The following CRYBG1 variants were observed in gnomAD, a reference collection of about 807,000 sequenced individuals.
The protein encoded by CRYBG1 is beta/gamma crystallin domain-containing protein 1.
In CRYBG1, 139 loss-of-function variants were observed where a neutral mutation model predicts 189.2. That is an observed-to-expected ratio of 0.73 (90% CI 0.64 to 0.85). The LOEUF is 0.85. CRYBG1 is among the 40% of genes least tolerant of loss of function. CRYBG1 has a pLI of 0.00. For missense variants in CRYBG1, 2,611 were observed against 2,675.8 expected (o/e 0.98, Z 0.53); for synonymous variants, 1,023 against 1,017.1 (o/e 1.01, Z -0.11).
chr6:106,532,894 A>G (rs1166186911), intron 8 of CRYBG1, among the ~76,000 whole-genome samples: 1 of 152,202 alleles, frequency 6.6e-6, no homozygotes, highest in Admixed American at 6.5e-5. Context: ...ATATAAACCC[A>G]AAAGAGTGTC....
chr6:106,384,476 T>C (rs1268662523), intron 1 of CRYBG1, among the ~76,000 whole-genome samples: 1 of 152,042 alleles, frequency 6.6e-6, no homozygotes, highest in African/African-American at 2.4e-5. Context: ...CCTAAGCATG[T>C]TTTCTTGCAC....
intron 2 of CRYBG1, among the ~76,000 whole-genome samples, chr6:106,488,126 T>C (rs1172157985): frequency 6.6e-6 from 1 of 152,192 alleles, no homozygotes; most frequent in Non-Finnish European, 1.5e-5. Context: ...CTGCAGTCTA[T>C]GACTGTGGTG....
At chr6:106,425,497 T>C (rs1375143038) in intron 1 of CRYBG1, among the ~76,000 whole-genome samples, 1 of 152,136 alleles carries the variant, frequency 6.6e-6, no homozygotes, top group Non-Finnish European at 1.5e-5. Context: ...CAGCCTCAGC[T>C]CCCTCACCCC....
intron 1 of CRYBG1, among the ~76,000 whole-genome samples, chr6:106,387,996 A>AG (rs1195447046): frequency 6.6e-6 from 1 of 152,070 alleles, no homozygotes; most frequent in Non-Finnish European, 1.5e-5. Flanking sequence ...TGAGTGTGCC[A>AG]GGTTAGGGCA....
intron 8 of CRYBG1, among the ~76,000 whole-genome samples, chr6:106,532,125 G>A (rs1773887268): frequency 6.6e-6 from 1 of 152,228 alleles, no homozygotes; most frequent in Middle Eastern, 3.4e-3. Context: ...AGGGAAGTTA[G>A]CAAATCCATC....
intron 2 of CRYBG1, among the ~76,000 whole-genome samples, chr6:106,470,803 C>T (rs79714620): frequency 0.06 from 9,098 of 152,146 alleles, 485 homozygotes; most frequent in East Asian, 0.21. Context: ...TTAGAGTTGG[C>T]ACTGTACAGT....
chr6:106,470,186 T>C (rs1220921841), intron 2 of CRYBG1, among the ~76,000 whole-genome samples: 3 of 152,060 alleles, frequency 2.0e-5, no homozygotes, highest in Admixed American at 6.5e-5. Context: ...GAGCCAGGTG[T>C]GGTAGCTCAC....
In CRYBG1 at chr6:106,519,310, A is replaced by C. The variant is rs1159148; in HGVS notation, c.2102A>C (p.Gln701Pro). The stretch of plus-strand genomic sequence containing the variant: ...CCAAGACACACTGACATTCGAGGCC[A>C]AAGGAATACTCCTGCCTCTAGTAAA... ...SSPRHTDIRG[Q>P]RNTPASSKTF... The change falls in exon 4 of 22, where the codon CAA (glutamine) becomes CCA (proline). Residue 701 changes from glutamine to proline, a missense_variant. Physicochemically the swap from Gln to Pro is moderately conservative, Grantham distance 76. Coordinates refer to ENST00000633556, the MANE Select transcript of CRYBG1 (RefSeq NM_001371242.2). 416,699 of 1,613,924 alleles carry C rather than the reference A, an allele frequency of 0.26. 55,860 individuals carry two copies. Among genetic ancestry groups the C allele is most frequent in the South Asian group, 0.33 (30,508 of 91,078 alleles).
intron 13 of CRYBG1, among the ~76,000 whole-genome samples, chr6:106,551,573 G>A (rs1367089982): frequency 3.3e-5 from 5 of 152,162 alleles, no homozygotes; most frequent in African/African-American, 1.2e-4. Context: ...TCTATCTTTA[G>A]TTCTTTGAGA....
intron 7 of CRYBG1, among the ~76,000 whole-genome samples, chr6:106,527,770 G>A (rs1430696093): frequency 2.0e-5 from 3 of 152,066 alleles, no homozygotes; most frequent in African/African-American, 7.2e-5. Context: ...TCTATGAACA[G>A]GTTTTTCATT....
chr6:106,550,341 T>C lies in CRYBG1; in HGVS notation c.5313-1511T>C, dbSNP rs542021651. On this transcript the variant is annotated intron_variant, in intron 13 of 21. Coordinates refer to ENST00000633556, the MANE Select transcript of CRYBG1 (RefSeq NM_001371242.2). ...TACATAATACATACATAGATATTAT[T>C]CCTTTAAGCTTTGAGAGGATCATGA... is the stretch of plus-strand genomic sequence containing the variant. Among the ~76,000 whole-genome samples the C allele has an allele frequency of 9.8e-5, 15 of 152,360 alleles. No individual in the cohort carries two copies. The East Asian group carries it at 2.7e-3, about 27-fold the overall frequency.
chr6:106,434,528 A>G (rs1206158698), intron 1 of CRYBG1, among the ~76,000 whole-genome samples: 1 of 152,208 alleles, frequency 6.6e-6, no homozygotes, highest in Non-Finnish European at 1.5e-5. Context: ...TGAAGGTTAT[A>G]AAAGTGCAAA....
rs1773770172 is a variant in CRYBG1, at chr6:106,527,563, G to A, written c.4578+93G>A. ...TGATCATTTTACGAAATATGTGATT[G>A]GGAAACATATTTGGTGCCTTATGGA... On this transcript the variant is annotated intron_variant, in intron 7 of 21. Coordinates refer to ENST00000633556, the MANE Select transcript of CRYBG1 (RefSeq NM_001371242.2). 3.8e-6 allele frequency: 5 copies of A among 1,324,118 alleles called. No individual in the cohort carries two copies. In the Admixed American group the frequency reaches 1.1e-4, roughly 29 times the overall value. The allele number at this position is 1,324,118 out of a possible 1,614,324, so 82.0% of individuals were successfully genotyped here. A position where few individuals can be genotyped will look rare whatever the true frequency, so the allele number is the denominator to read the frequency against.
intron 1 of CRYBG1, among the ~76,000 whole-genome samples, chr6:106,446,269 G>A (rs997858048): frequency 1.3e-5 from 2 of 152,176 alleles, no homozygotes; most frequent in Non-Finnish European, 2.9e-5. Flanking sequence ...AGTGAATTAA[G>A]TTTTCTCCTT....
rs531130223 is a variant in CRYBG1, at chr6:106,544,985, G to C, written c.5312+52G>C. On this transcript the variant is annotated intron_variant, in intron 13 of 21. Coordinates refer to ENST00000633556, the MANE Select transcript of CRYBG1 (RefSeq NM_001371242.2). ...TTAAACATGCGTTTTACCTTGGTTT[G>C]TTTTAAACTGGTAAGAGTCTATCAC... 2.7e-6 allele frequency: 4 copies of C among 1,500,366 alleles called. No homozygotes were observed. In the East Asian group the frequency reaches 6.8e-5, roughly 25 times the overall value. 92.9% of individuals were successfully genotyped at this position (1,500,366 alleles called of 1,614,324 possible). A position where few individuals can be genotyped will look rare whatever the true frequency, so the allele number is the denominator to read the frequency against.
chr6:106,424,575 C>T (rs1179211263), intron 1 of CRYBG1, among the ~76,000 whole-genome samples: 8 of 152,142 alleles, frequency 5.3e-5, no homozygotes, highest in Admixed American at 5.2e-4. Flanking sequence ...GATTATCCTG[C>T]CTCAGCCTCC....
chr6:106,367,793 C>A (rs9480658), intron 1 of CRYBG1, among the ~76,000 whole-genome samples: 11,029 of 101,950 alleles, frequency 0.11, 1,419 homozygotes, highest in African/African-American at 0.34. Flanking sequence ...TCAGACCCTG[C>A]TTATCCAAAA....
intron 1 of CRYBG1, among the ~76,000 whole-genome samples, chr6:106,363,105 A>G (rs1284361744): frequency 4.0e-5 from 6 of 151,046 alleles, no homozygotes; most frequent in East Asian, 2.0e-4. Flanking sequence ...TTAGCCGGGC[A>G]TGGTGGCGCG....
intron 7 of CRYBG1, among the ~76,000 whole-genome samples, chr6:106,529,861 C>G (rs556272037): frequency 1.8e-4 from 28 of 152,194 alleles, no homozygotes; most frequent in Admixed American, 6.5e-5. Context: ...GAACCAAAAC[C>G]CCAGACCAAA....
Sources: gnomAD v4.1 joint callset for allele counts (sites outside exome capture counted in the v4.1 genomes callset) on GRCh38, gnomAD v4.1.1 for gene constraint, MANE v1.5 for transcripts, NCBI Gene and HGNC (gene_info 2026-07-23, HGNC 2026-07-21) for gene names.